The following LOC728743 variants were observed in gnomAD, a reference collection of about 807,000 sequenced individuals.
chr7:150,408,268 T>C, the LOC728743 span: 1 of 378,860 alleles, frequency 2.6e-6, no homozygotes, highest in Non-Finnish European at 4.7e-6. Flanking sequence ...GCCCCGCACG[T>C]GCGTCCCCGA....
the LOC728743 span, among the ~76,000 whole-genome samples, chr7:150,409,089 G>A: frequency 1.3e-5 from 2 of 149,286 alleles, no homozygotes; most frequent in Admixed American, 6.7e-5. Flanking sequence ...CAGGTCATGG[G>A]GACAAATAAA....
the LOC728743 span, chr7:150,407,522 C>T: frequency 2.3e-5 from 9 of 398,084 alleles, no homozygotes; most frequent in Middle Eastern, 6.2e-4. Flanking sequence ...TTGGCTAACC[C>T]TCGTGTTCCC....
the LOC728743 span, among the ~76,000 whole-genome samples, chr7:150,401,280 G>A: frequency 6.6e-6 from 1 of 152,248 alleles, no homozygotes; most frequent in East Asian, 1.9e-4. Context: ...CGGTAAGGCA[G>A]TCGGCCTCAT....
At chr7:150,408,052 G>T in the LOC728743 span, 1 of 388,950 alleles carries the variant, frequency 2.6e-6, no homozygotes, top group African/African-American at 2.1e-5. Flanking sequence ...GCACCCACGC[G>T]CGCATGCCCG....
At chr7:150,406,953 GT>G in the LOC728743 span, among the ~76,000 whole-genome samples, 2 of 152,122 alleles carry the variant, frequency 1.3e-5, no homozygotes, top group African/African-American at 2.4e-5. Flanking sequence ...ACAGGGTTGT[GT>G]TTTTTTTCCT....
chr7:150,406,151 C>G, the LOC728743 span, among the ~76,000 whole-genome samples: 1 of 152,166 alleles, frequency 6.6e-6, no homozygotes, highest in Non-Finnish European at 1.5e-5. Context: ...AGGGTCAGTT[C>G]CACCCCGGCC....
the LOC728743 span, chr7:150,411,496 A>C: frequency 6.6e-6 from 1 of 152,604 alleles, no homozygotes; most frequent in East Asian, 1.9e-4. Flanking sequence ...TGGAAGCTAC[A>C]AGTTCTCACC....
At chr7:150,401,224 C>T in the LOC728743 span, among the ~76,000 whole-genome samples, 5 of 149,286 alleles carry the variant, frequency 3.3e-5, no homozygotes, top group African/African-American at 7.4e-5. Context: ...TGTAGGTTCT[C>T]GGAAAATGGT....
the LOC728743 span, among the ~76,000 whole-genome samples, chr7:150,401,802 C>T: frequency 0.013 from 1,961 of 152,240 alleles, 48 homozygotes; most frequent in African/African-American, 0.045. Context: ...GTGGCTTGTA[C>T]GGCTGAGGAA....
At chr7:150,403,834 A>G in the LOC728743 span, among the ~76,000 whole-genome samples, 4 of 152,324 alleles carry the variant, frequency 2.6e-5, no homozygotes, top group South Asian at 4.1e-4. The surrounding 1 kb of genome is among the most constrained non-coding windows in gnomAD (Gnocchi z 5.1). Context: ...AGAGGCCACA[A>G]GCCAGACGGG....
chr7:150,403,911 C>T, the LOC728743 span, among the ~76,000 whole-genome samples: 33 of 152,298 alleles, frequency 2.2e-4, no homozygotes, highest in Non-Finnish European at 3.8e-4. The surrounding 1 kb of genome is among the most constrained non-coding windows in gnomAD (Gnocchi z 5.1). Flanking sequence ...GACCTCCAGG[C>T]CTGGTGTTGG....
the LOC728743 span, among the ~76,000 whole-genome samples, chr7:150,408,942 T>G: frequency 6.6e-6 from 1 of 152,064 alleles, no homozygotes; most frequent in South Asian, 2.1e-4. Flanking sequence ...GAGACACACA[T>G]GAGGACCGCA....
the LOC728743 span, among the ~76,000 whole-genome samples, chr7:150,401,852 C>G: frequency 1.3e-5 from 2 of 152,268 alleles, no homozygotes; most frequent in South Asian, 2.1e-4. Context: ...AATAGCCCCA[C>G]GTAGCTACTG....
At chr7:150,409,442 A>G in the LOC728743 span, among the ~76,000 whole-genome samples, 1 of 152,104 alleles carries the variant, frequency 6.6e-6, no homozygotes, top group Admixed American at 6.5e-5. Context: ...CTGCTCCAGG[A>G]CCTCTGGTTC....
At chr7:150,409,077 AC>A in the LOC728743 span, among the ~76,000 whole-genome samples, 1 of 144,216 alleles carries the variant, frequency 6.9e-6, no homozygotes, top group Non-Finnish European at 1.5e-5. Flanking sequence ...ATGGCTTTGA[AC>A]CAGGTCATGG....
the LOC728743 span, chr7:150,407,759 C>G: frequency 2.5e-6 from 1 of 400,574 alleles, no homozygotes; most frequent in Non-Finnish European, 4.4e-6. Context: ...CTCGCAGCAG[C>G]CCAGCCTGGT....
At chr7:150,404,168 G>A in the LOC728743 span, among the ~76,000 whole-genome samples, 1 of 152,246 alleles carries the variant, frequency 6.6e-6, no homozygotes, top group Non-Finnish European at 1.5e-5. Flanking sequence ...CAGCTACAGA[G>A]AGGCCACAGA....
chr7:150,402,610 A>G, the LOC728743 span, among the ~76,000 whole-genome samples: 5 of 152,214 alleles, frequency 3.3e-5, no homozygotes, highest in African/African-American at 9.7e-5. Flanking sequence ...GGGGAAAACA[A>G]AAGTGTGCTA....
the LOC728743 span, chr7:150,410,601 T>G: frequency 5.7e-6 from 1 of 175,738 alleles, no homozygotes; most frequent in African/African-American, 2.4e-5. Context: ...GGCAAAACCT[T>G]CTTCCAGATG....
Sources: allele counts gnomAD v4.1 joint callset (sites outside exome capture counted in the v4.1 genomes callset), GRCh38; gene constraint gnomAD v4.1.1; non-coding constraint Gnocchi (gnomAD v3.1); transcripts MANE v1.5.